Variants in SBNO2 observed in about 807,000 individuals in gnomAD.
SBNO2 encodes protein strawberry notch homolog 2.
Under a neutral mutation model 146.3 loss-of-function variants are expected in SBNO2, and 89 were observed. That is an observed-to-expected ratio of 0.61 (90% CI 0.51 to 0.73). The LOEUF (loss-of-function observed/expected upper bound fraction) is 0.73. Ranked by LOEUF, SBNO2 falls within the 30% of genes least tolerant of loss-of-function variation. The pLI is 0.00. For missense variants in SBNO2, 2,092 were observed against 2,003.7 expected (o/e 1.04, Z -0.84); for synonymous variants, 1,147 against 892.6 (o/e 1.29, Z -5.08).
At chr19:1,145,816 A>AGAGCCC (rs1477507239) in intron 4 of SBNO2, among the ~76,000 whole-genome samples, 1 of 152,118 alleles carries the variant, frequency 6.6e-6, no homozygotes, top group East Asian at 1.9e-4. Flanking sequence ...GGGTGAGGAC[A>AGAGCCC]GAGCCCCTGT....
chr19:1,136,043 G>A lies in SBNO2; in HGVS notation c.280-8278C>T, dbSNP rs1331383437. On this transcript the variant is annotated intron_variant, in intron 4 of 31. Coordinates refer to ENST00000361757, the MANE Select transcript of SBNO2 (RefSeq NM_014963.3). This position sits in a 1 kb window ranked among gnomAD's most constrained non-coding sequence, Gnocchi z 4.2. The stretch of plus-strand genomic sequence containing the variant: ...TAAAAAAAAAAAGGCCGCACTGGCC[G>A]AGCGGGTGTTCTGTGCCTGGTGTCC... 2.6e-5 allele frequency among the ~76,000 whole-genome samples: 4 copies of A among 152,044 alleles called. No individual in the cohort carries two copies. The highest frequency in any genetic ancestry group is 2.0e-4 in the Admixed American group (3 of 15,270).
intron 1 of SBNO2, among the ~76,000 whole-genome samples, chr19:1,164,251 C>G (rs1043152226): frequency 2.6e-5 from 4 of 152,220 alleles, no homozygotes; most frequent in African/African-American, 9.6e-5. Context: ...GGAGCAGGAA[C>G]AGCTTGAGCG....
chr19:1,108,091 G>T lies in SBNO2; in HGVS notation c.*129C>A. 2.7e-6 allele frequency: 3 copies of T among 1,091,486 alleles called. No homozygotes were observed. The highest frequency in any genetic ancestry group is 3.6e-6 in the Non-Finnish European group (3 of 828,198). 67.6% of individuals were successfully genotyped at this position (1,091,486 alleles called of 1,614,324 possible). A position where few individuals can be genotyped will look rare whatever the true frequency, so the allele number is the denominator to read the frequency against. On this transcript the variant is annotated 3_prime_UTR_variant, in exon 32 of 32. Coordinates refer to ENST00000361757, the MANE Select transcript of SBNO2 (RefSeq NM_014963.3). The stretch of plus-strand genomic sequence containing the variant: ...CAGGTGGGGGCCCGGGTCGGGCGCT[G>T]AAGGCACTGCGGCCAGGGCCTAGGG...
chr19:1,115,050 C>A (rs1365387332), intron 17 of SBNO2, among the ~76,000 whole-genome samples: 1 of 152,016 alleles, frequency 6.6e-6, no homozygotes, highest in Non-Finnish European at 1.5e-5. Context: ...CTGCCTCAGC[C>A]TCCTGAGCAG....
At position 1,158,291 on chromosome 19, in the gene SBNO2, C is replaced by T. The variant is rs554299757; in HGVS notation, c.-126-3889G>A. On this transcript the variant is annotated intron_variant, in intron 1 of 31. Transcript: ENST00000361757. The surrounding 1 kb of genome is among the most constrained non-coding windows in gnomAD (Gnocchi z 9.9). ...GTCTGCAGATGGGGAGCTGTGTCCT[C>T]GGAGCCCGGTTCTCCTGCCGTCCTC... is the stretch of plus-strand genomic sequence containing the variant. 1.4e-4 allele frequency among the ~76,000 whole-genome samples: 22 copies of T among 152,314 alleles called. No homozygotes were observed. The highest frequency in any genetic ancestry group is 4.3e-4 in the African/African-American group (18 of 41,568).
intron 1 of SBNO2, among the ~76,000 whole-genome samples, chr19:1,168,206 G>A (rs1400607324): frequency 6.6e-6 from 1 of 152,136 alleles, no homozygotes; most frequent in South Asian, 2.1e-4. Context: ...GCAGCGTTGG[G>A]TGCCCAGACC....
At position 1,112,363 on chromosome 19, in the gene SBNO2, G is replaced by A. The variant is rs2145193637; in HGVS notation, c.2515+39C>T. ...GGGGCGGGGCCGAGACCATGTTGGG[G>A]GCGGGGCCAGGCAGCGCTGGGGGCG... On this transcript the variant is annotated intron_variant, in intron 21 of 31. Transcript: ENST00000361757. This position sits in a 1 kb window ranked among gnomAD's most constrained non-coding sequence, Gnocchi z 5.9. 2 of 1,571,334 alleles carry A rather than the reference G, an allele frequency of 1.3e-6. No individual in the cohort carries two copies. Among genetic ancestry groups the A allele is most frequent in the Non-Finnish European group, 1.7e-6 (2 of 1,161,644 alleles).
chr19:1,151,455 C>T (rs796384721), intron 2 of SBNO2, among the ~76,000 whole-genome samples: 2 of 152,220 alleles, frequency 1.3e-5, no homozygotes, highest in South Asian at 2.1e-4. Flanking sequence ...CAGCCCATGG[C>T]TCCTCTGAGA....
chr19:1,123,901 G>T (rs1335722204), intron 6 of SBNO2, 41 bp downstream of exon 6: 2 of 1,587,674 alleles, frequency 1.3e-6, no homozygotes, highest in South Asian at 1.1e-5. Context: ...TAGGTCCCAT[G>T]AGAGGGCAGG....
chr19:1,111,923 C>G, intron 23 of SBNO2, 73 bp downstream of exon 23: 1 of 1,380,172 alleles, frequency 7.2e-7, no homozygotes, highest in South Asian at 1.3e-5. Flanking sequence ...CCCCCTCCCC[C>G]AGGCTCTTAG....
chr19:1,113,897 C>T (rs928536486), intron 18 of SBNO2, among the ~76,000 whole-genome samples, 193 bp from the exon 19 acceptor site: 6 of 152,206 alleles, frequency 3.9e-5, no homozygotes, highest in South Asian at 4.1e-4. Context: ...CCAGCTGGGG[C>T]GAGACTAAGC....
intron 1 of SBNO2, chr19:1,155,134 T>C (rs2080278470): frequency 6.6e-6 from 1 of 152,196 alleles, no homozygotes; most frequent in Non-Finnish European, 1.5e-5. Flanking sequence ...GGGAAAGCTT[T>C]CCAGGCGTCC....
At chr19:1,118,732 T>G (rs2079862026) in intron 14 of SBNO2, among the ~76,000 whole-genome samples, 1 of 151,638 alleles carries the variant, frequency 6.6e-6, no homozygotes, top group Non-Finnish European at 1.5e-5. Flanking sequence ...ATTAGCTGGG[T>G]GTGGAGGCGG....
chr19:1,133,394 C>T (rs541324860), intron 4 of SBNO2, among the ~76,000 whole-genome samples: 70 of 152,252 alleles, frequency 4.6e-4, no homozygotes, highest in African/African-American at 1.5e-3. Flanking sequence ...AAGACTCCCG[C>T]CAGGGCTCTG....
intron 9 of SBNO2, 40 bp from the exon 10 acceptor site, chr19:1,122,598 T>TCC: frequency 6.7e-6 from 2 of 300,190 alleles, no homozygotes; most frequent in East Asian, 1.2e-4. Context: ...CCCTTCCCCC[T>TCC]CGCCCCCCGC....
chr19:1,134,259 T>C (rs1165742731), intron 4 of SBNO2, among the ~76,000 whole-genome samples: 4 of 109,560 alleles, frequency 3.7e-5, no homozygotes, highest in African/African-American at 7.3e-5. Flanking sequence ...TCACAGCTCA[T>C]AGGCACCTGG....
chr19:1,161,862 G>A (rs2080348321), intron 1 of SBNO2, among the ~76,000 whole-genome samples: 1 of 147,110 alleles, frequency 6.8e-6, no homozygotes, highest in South Asian at 2.3e-4. Context: ...AGGCGGCAGG[G>A]CCAGGAGGGT....
intron 1 of SBNO2, 148 bp from the exon 2 acceptor site, chr19:1,154,550 C>T: frequency 2.8e-6 from 1 of 353,414 alleles, no homozygotes; most frequent in Non-Finnish European, 5.1e-6. Flanking sequence ...GCTCCTTCCC[C>T]TCCCCACTCA....
At chr19:1,132,134 T>G in intron 4 of SBNO2, 3 of 1,515,382 alleles carry the variant, frequency 2.0e-6, no homozygotes, top group Non-Finnish European at 2.6e-6. Context: ...AGCTGGGACA[T>G]GGTCCCGGCG....
Sources: gnomAD v4.1 joint callset for allele counts (sites outside exome capture counted in the v4.1 genomes callset) on GRCh38, gnomAD v4.1.1 for gene constraint, Gnocchi (gnomAD v3.1) non-coding constraint, MANE v1.5 for transcripts, NCBI Gene and HGNC (gene_info 2026-07-23, HGNC 2026-07-21) for gene names.